RELCH: variants seen among roughly 807,000 people sequenced by gnomAD.
RELCH encodes the protein RAB11-binding protein RELCH.
RELCH carries 41 observed loss-of-function variants against 150.3 expected under a neutral mutation model. The ratio of observed to expected loss-of-function variants is 0.27; its 90% confidence interval spans 0.21 to 0.35. RELCH has a LOEUF of 0.35. RELCH is among the 10% of genes least tolerant of loss of function. The pLI is 1.00. For missense variants in RELCH, 1,092 were observed against 1,467.8 expected (o/e 0.74, Z 4.18); for synonymous variants, 478 against 531.8 (o/e 0.90, Z 1.39).
chr18:62,237,882 C>T (rs753522341), intron 10 of RELCH, among the ~76,000 whole-genome samples: 1 of 151,520 alleles, frequency 6.6e-6, no homozygotes, highest in Non-Finnish European at 1.5e-5. Flanking sequence ...AAATAGAAAG[C>T]ACGATGAATA....
rs113083630 is a variant in RELCH, at chr18:62,253,919, ATTTTC to A, written c.1824+1170_1824+1174del. On this transcript the variant is annotated intron_variant, in intron 12 of 28. Transcript: ENST00000644646. ...ACATTTAATTTTTTATATTTTTTCC[ATTTTC>A]TTTTGTCTTTTTCTTTTCAAGTGTA... Among the ~76,000 whole-genome samples the A allele has an allele frequency of 7.1e-3, 1,077 of 151,736 alleles. 14 individuals are homozygous for A. The highest frequency in any genetic ancestry group is 0.025 in the African/African-American group (1,029 of 41,404).
At chr18:62,220,597 G>T (rs991045543) in intron 2 of RELCH, among the ~76,000 whole-genome samples, 6 of 151,592 alleles carry the variant, frequency 4.0e-5, no homozygotes, top group South Asian at 2.1e-4. Flanking sequence ...AAAATCCTAA[G>T]TTTTTCTTTT....
intron 24 of RELCH, 70 bp from the exon 25 acceptor site, chr18:62,282,236 T>C (rs1371861390): frequency 9.0e-6 from 12 of 1,326,728 alleles, no homozygotes; most frequent in Non-Finnish European, 1.3e-5. Flanking sequence ...TTAATGTGTG[T>C]CTTTCACTTT....
At chr18:62,227,195 TA>T (rs35190394) in intron 5 of RELCH, 93 bp from the exon 6 acceptor site, 290,881 of 688,152 alleles carry the variant, frequency 0.42, 25,462 homozygotes, top group Middle Eastern at 0.48. Context: ...AAACCGATCT[TA>T]AAAAAAAAAA....
chr18:62,289,246 T>A (rs1225777958), intron 26 of RELCH, among the ~76,000 whole-genome samples: 1 of 152,190 alleles, frequency 6.6e-6, no homozygotes, highest in Admixed American at 6.5e-5. Flanking sequence ...GTACTAAAAG[T>A]GTTAGTTCTA....
chr18:62,282,591 T>G (rs1365024936), intron 25 of RELCH, 147 bp downstream of exon 25: 19 of 737,920 alleles, frequency 2.6e-5, no homozygotes, highest in Non-Finnish European at 4.2e-5. Context: ...TACTCTTGTG[T>G]ACTGAAAGCT....
In RELCH at chr18:62,223,077, A is replaced by G. The variant is rs182878243; in HGVS notation, c.858+1580A>G. On this transcript the variant is annotated intron_variant, in intron 5 of 28. Coordinates refer to ENST00000644646, the MANE Select transcript of RELCH (RefSeq NM_001346231.2). ...CAGGCTCTGCCTTAAGAAACTAAAA[A>G]AAGAAAACCAAGTGAAACCCAAAGT... 2.1e-3 allele frequency among the ~76,000 whole-genome samples: 318 copies of G among 152,162 alleles called. 4 individuals carry two copies. The highest frequency in any genetic ancestry group is 7.4e-3 in the African/African-American group (307 of 41,590).
chr18:62,232,808 T>G (rs943677595), intron 10 of RELCH, among the ~76,000 whole-genome samples: 4 of 151,998 alleles, frequency 2.6e-5, no homozygotes, highest in African/African-American at 9.7e-5. Context: ...GTATTGAAAA[T>G]TAACAGGGAT....
rs1005530683 is a variant in RELCH at position 62,211,171 on chromosome 18, G to A, written c.545G>A (p.Ser182Asn). 1.6e-5 allele frequency: 25 copies of A among 1,602,192 alleles called. No homozygotes were observed. The highest frequency in any genetic ancestry group is 2.0e-5 in the Non-Finnish European group (23 of 1,170,522). ...GGQLNRAGSI[S>N]TLDSLDFARY... ...ATTATAGATCGAGCTGGGAGCATTA[G>A]TACCCTTGATTCTTTAGACTTTGCA... Residue 182 changes from serine (S) to asparagine (N), a missense_variant, in exon 2 of 29, where the codon AGT becomes AAT. This residue lies in a region of RELCH where 190 missense variants were observed against 276.2 expected (regional missense o/e 0.69). Coordinates refer to ENST00000644646, the MANE Select transcript of RELCH (RefSeq NM_001346231.2).
At position 62,187,770 on chromosome 18, in the gene RELCH, C is replaced by A; in HGVS notation, c.265C>A (p.Pro89Thr). 2 of 1,609,412 alleles carry A rather than the reference C, an allele frequency of 1.2e-6. No individual in the cohort carries two copies. Among genetic ancestry groups the A allele is most frequent in the East Asian group, 2.2e-5 (1 of 44,708 alleles). ...GGCCCTGGGGGGCACCGGGGAGACCCCGGCCCGATTATCAATTGATGCGAT... is the reference window on the plus strand; with the variant it reads ...GGCCCTGGGGGGCACCGGGGAGACCACGGCCCGATTATCAATTGATGCGAT... ...AVALGGTGET[P>T]ARLSIDAIAA... Residue 89 changes from proline (P) to threonine (T), a missense_variant, in exon 1 of 29, where the codon CCG becomes ACG. Physicochemically the swap from Pro to Thr is conservative, Grantham distance 38. Coordinates refer to ENST00000644646, the MANE Select transcript of RELCH (RefSeq NM_001346231.2).
chr18:62,261,588 T>C lies in RELCH; in HGVS notation c.2280T>C (p.Phe760=). The C allele has an allele frequency of 6.2e-7, 1 of 1,612,172 alleles. No homozygotes were observed. ...SALQSLIPSL[F]ALVLQNAPFS... ...TGCAGTCCTTGATCCCATCTCTCTT[T>C]GCATTAGTGCTACAGAATGCACCTT... The change falls in exon 16 of 29, where the codon TTT becomes TTC. Residue 760 remains phenylalanine, a synonymous_variant. Coordinates refer to ENST00000644646, the MANE Select transcript of RELCH (RefSeq NM_001346231.2).
chr18:62,243,178 A>C (rs533223930), intron 10 of RELCH, among the ~76,000 whole-genome samples: 9 of 152,196 alleles, frequency 5.9e-5, no homozygotes, highest in African/African-American at 2.2e-4. Context: ...ATTGCCTCTC[A>C]GCAGCCCATA....
At chr18:62,243,127 A>G (rs915222030) in intron 10 of RELCH, among the ~76,000 whole-genome samples, 2 of 152,126 alleles carry the variant, frequency 1.3e-5, no homozygotes, top group African/African-American at 4.8e-5. Flanking sequence ...TCTCAATAGT[A>G]TACCCTGATG....
intron 18 of RELCH, among the ~76,000 whole-genome samples, chr18:62,266,040 AT>A (rs532350405): frequency 0.062 from 9,115 of 147,060 alleles, 890 homozygotes; most frequent in African/African-American, 0.21. Flanking sequence ...ACAAGTAGCT[AT>A]TTTTTTTTTT....
At chr18:62,188,149 T>G in intron 1 of RELCH, 118 bp downstream of exon 1, 2 of 1,182,420 alleles carry the variant, frequency 1.7e-6, no homozygotes, top group Non-Finnish European at 2.3e-6. Flanking sequence ...GGAACGAGAG[T>G]ATTGGGGTGG....
rs1177768948 is a variant in RELCH, at chr18:62,211,235, A to G, written c.609A>G (p.Lys203=). ...ATGGTAACAGGGAAACAGATGAAAAAGTGGCAGGTGAGTAAAATTGTAAGG... is the reference window on the plus strand; with the variant it reads ...ATGGTAACAGGGAAACAGATGAAAAGGTGGCAGGTGAGTAAAATTGTAAGG... ...SDDGNRETDE[K]VAVLEFELRK... The change falls in exon 2 of 29, where the codon AAA becomes AAG. Residue 203 remains lysine, a synonymous_variant. Coordinates refer to ENST00000644646, the MANE Select transcript of RELCH (RefSeq NM_001346231.2). 6.3e-7 allele frequency: 1 copy of G among 1,595,674 alleles called. No individual in the cohort carries two copies. Among genetic ancestry groups the G allele is most frequent in the Non-Finnish European group, 8.6e-7 (1 of 1,164,200 alleles).
At position 62,308,538 on chromosome 18, in the gene RELCH, G is replaced by C. The variant is rs533800148; in HGVS notation, c.*3004G>C. 6.6e-6 allele frequency: 1 copy of C among 152,166 alleles called. No homozygotes were observed. The highest frequency in any genetic ancestry group is 2.1e-4 in the South Asian group (1 of 4,816). The allele number at this position is 152,166 out of a possible 1,614,324, so 9.4% of individuals were successfully genotyped here. The stretch of plus-strand genomic sequence containing the variant: ...AGTTCAAGACCAGCCTGGCCAACGT[G>C]GTGAAACCCCGCCTCTAAAAATACA... On this transcript the variant is annotated 3_prime_UTR_variant, in exon 29 of 29. Coordinates refer to ENST00000644646, the MANE Select transcript of RELCH (RefSeq NM_001346231.2).
At chr18:62,287,557 T>C in intron 26 of RELCH, 90 bp downstream of exon 26, 1 of 741,422 alleles carries the variant, frequency 1.3e-6, no homozygotes, top group East Asian at 2.7e-5. Context: ...TAGAACTTCT[T>C]TTCTTCAACT....
chr18:62,254,621 G>T (rs1219081883), intron 12 of RELCH: 1 of 152,044 alleles, frequency 6.6e-6, no homozygotes, highest in Non-Finnish European at 1.5e-5. Flanking sequence ...GGATATCGGG[G>T]ATCTATCTAG....
Sources: allele counts gnomAD v4.1 joint callset (sites outside exome capture counted in the v4.1 genomes callset), GRCh38; gene constraint gnomAD v4.1.1; regional missense constraint gnomAD v4.1.1; transcripts MANE v1.5; gene names NCBI Gene and HGNC (gene_info 2026-07-23, HGNC 2026-07-21).